Variants in PCDHGB5 observed in about 807,000 individuals in gnomAD.
The protein encoded by PCDHGB5 is protocadherin gamma subfamily B, 5, also known as protocadherin gamma-B5.
A neutral mutation model predicts 62.9 loss-of-function variants in PCDHGB5; 48 were observed. That is an observed-to-expected ratio of 0.76 (90% CI 0.61 to 0.97). The LOEUF (loss-of-function observed/expected upper bound fraction) is 0.97, where lower values mean the gene tolerates loss of function less well. PCDHGB5 is among the 50% of genes least tolerant of loss of function. PCDHGB5 has a pLI of 0.00. For synonymous variants in PCDHGB5, 474 were observed against 511.2 expected (o/e 0.93, Z 0.98); for missense variants, 1,118 against 1,198.6 (o/e 0.93, Z 0.99).
Position 141,490,083 on chromosome 5 carries a change from T to G in PCDHGB5, c.2398-4724T>G. Reference sequence around the variant, plus strand: ...CCAACGGCCAACTAGACTATTCTTTTGGAGACCACACATCTGAGGCAGTGC... The same window carrying G: ...CCAACGGCCAACTAGACTATTCTTTGGGAGACCACACATCTGAGGCAGTGC... On this transcript the variant is annotated intron_variant, in intron 1 of 3. Coordinates refer to ENST00000617380, the MANE Select transcript of PCDHGB5 (RefSeq NM_018925.3). This position sits in a 1 kb window ranked among gnomAD's most constrained non-coding sequence, Gnocchi z 5.4. 1.2e-6 allele frequency: 2 copies of G among 1,614,262 alleles called. No individual in the cohort carries two copies. The highest frequency in any genetic ancestry group is 1.7e-6 in the Non-Finnish European group (2 of 1,180,054).
chr5:141,506,372 C>A (rs1243713695), intron 3 of PCDHGB5, among the ~76,000 whole-genome samples: 1 of 151,402 alleles, frequency 6.6e-6, no homozygotes, highest in Non-Finnish European at 1.5e-5. Context: ...TCGCTTGAAC[C>A]TGGGAGGTGG....
chr5:141,403,592 G>A (rs779516418), intron 1 of PCDHGB5: 1 of 1,613,850 alleles, frequency 6.2e-7, no homozygotes, highest in Non-Finnish European at 8.5e-7. Flanking sequence ...GGTCCTCACG[G>A]CCTCGGATGG....
Position 141,400,394 on chromosome 5 carries a change from G to A in PCDHGB5, c.2267G>A (p.Gly756Glu). 2 of 1,614,072 alleles carry A rather than the reference G, an allele frequency of 1.2e-6. No individual in the cohort carries two copies. The highest frequency in any genetic ancestry group is 1.7e-6 in the Non-Finnish European group (2 of 1,179,916). Residue 756 changes from glycine (G) to glutamate (E), a missense_variant, in exon 1 of 4, where the codon GGA becomes GAA. This residue lies in a region of PCDHGB5 where 1,034 missense variants were observed against 1,029.1 expected (regional missense o/e 1.00). Transcript: ENST00000617380. The part of the protein sequence containing the change: ...YSYNLCVAHT[G>E]KTEFNFLKCS... ...TACAACCTATGTGTTGCACATACAG[G>A]AAAGACGGAGTTTAATTTCCTAAAA...
chr5:141,430,534 C>CT (rs962032641), intron 1 of PCDHGB5: 2 of 381,726 alleles, frequency 5.2e-6, no homozygotes, highest in Non-Finnish European at 9.2e-6. Context: ...GGTTAGGACT[C>CT]TGAGCGCCGC....
chr5:141,400,322 G>T lies in PCDHGB5; in HGVS notation c.2195G>T (p.Gly732Val), dbSNP rs1025265322. ...CFQPGLCVKSGPVVPPNYSQG... is the reference protein window; with the variant it reads ...CFQPGLCVKSVPVVPPNYSQG... The stretch of plus-strand genomic sequence containing the variant: ...CAACCTGGTCTCTGTGTCAAGTCTG[G>T]ACCTGTGGTTCCCCCCAACTACAGT... The change falls in exon 1 of 4, where the codon GGA becomes GTA. Residue 732 changes from glycine (G) to valine (V), a missense_variant. Transcript: ENST00000617380. 1.9e-6 allele frequency: 3 copies of T among 1,613,952 alleles called. No homozygotes were observed. In the African/African-American group the frequency reaches 4.0e-5, roughly 22 times the overall value.
chr5:141,430,033 C>T (rs556099456), intron 1 of PCDHGB5, among the ~76,000 whole-genome samples: 1 of 152,066 alleles, frequency 6.6e-6, no homozygotes, highest in Non-Finnish European at 1.5e-5. Context: ...AAGTGTGATT[C>T]TGATAATGTA....
At chr5:141,414,046 A>G (rs780040293) in intron 1 of PCDHGB5, 1 of 1,611,254 alleles carries the variant, frequency 6.2e-7, no homozygotes, top group Non-Finnish European at 8.5e-7. Context: ...ATTACCTGAC[A>G]CGCAATTGTT....
At chr5:141,473,369 G>T (rs888984972) in intron 1 of PCDHGB5, among the ~76,000 whole-genome samples, 1 of 152,200 alleles carries the variant, frequency 6.6e-6, no homozygotes, top group Non-Finnish European at 1.5e-5. Flanking sequence ...CACCAAAATA[G>T]CATGGTCCCT....
At chr5:141,444,659 C>G (rs2098443878) in intron 1 of PCDHGB5, among the ~76,000 whole-genome samples, 1 of 152,032 alleles carries the variant, frequency 6.6e-6, no homozygotes, top group African/African-American at 2.4e-5. Context: ...GAAGTTATTT[C>G]CCATTTTTTT....
rs934206266 is a variant in PCDHGB5, at chr5:141,483,131, G to A, written c.2398-11676G>A. Among the ~76,000 whole-genome samples, 14 of 152,274 alleles carry A rather than the reference G, an allele frequency of 9.2e-5. No individual in the cohort carries two copies. The South Asian group carries it at 2.9e-3, about 32-fold the overall frequency. On this transcript the variant is annotated intron_variant, in intron 1 of 3. Transcript: ENST00000617380. ...AACAGACAGTCTTTGTAGGAGATGA[G>A]GTGAAGCAAGTAGGCAGGAGTTAGA...
intron 1 of PCDHGB5, chr5:141,420,165 C>T: frequency 6.2e-7 from 1 of 1,614,022 alleles, no homozygotes; most frequent in South Asian, 1.1e-5. Flanking sequence ...AATTTTTTCA[C>T]ATCTGTTGAT....
intron 1 of PCDHGB5, chr5:141,418,428 A>G: frequency 6.2e-7 from 1 of 1,613,980 alleles, no homozygotes; most frequent in Non-Finnish European, 8.5e-7. Flanking sequence ...GATGGTGGCA[A>G]ATATCCAGAA....
intron 1 of PCDHGB5, chr5:141,429,276 T>C (rs748800169): frequency 6.6e-5 from 10 of 152,228 alleles, no homozygotes; most frequent in Non-Finnish European, 1.2e-4. Flanking sequence ...TTTTTTCCTG[T>C]GATGTTTCTT....
chr5:141,402,402 T>TTAAGATAC (rs1275769528), intron 1 of PCDHGB5, among the ~76,000 whole-genome samples: 2 of 152,012 alleles, frequency 1.3e-5, no homozygotes, highest in South Asian at 4.1e-4. Context: ...CAGAAAATTG[T>TTAAGATAC]TAAGATACAC....
rs117623972 is a variant in PCDHGB5 at position 141,503,322 on chromosome 5, C to T, written c.2457-2071C>T. On this transcript the variant is annotated intron_variant, in intron 2 of 3. Transcript: ENST00000617380. Reference sequence around the variant, plus strand: ...GCTCAAGAAAGAATTGTTGGAGGGGCGCGGTGGCTCACGCCTGTAATTCCA... The same window carrying T: ...GCTCAAGAAAGAATTGTTGGAGGGGTGCGGTGGCTCACGCCTGTAATTCCA... Among the ~76,000 whole-genome samples, 216 of 152,126 alleles carry T rather than the reference C, an allele frequency of 1.4e-3. 8 individuals carry two copies. In the East Asian group the frequency reaches 0.038, roughly 27 times the overall value.
chr5:141,430,933 G>C (rs2097327058), intron 1 of PCDHGB5: 1 of 1,607,608 alleles, frequency 6.2e-7, no homozygotes, highest in East Asian at 2.2e-5. Flanking sequence ...AGCCCCGGGA[G>C]CTCGCGGAGC....
intron 3 of PCDHGB5, among the ~76,000 whole-genome samples, chr5:141,508,792 CT>C (rs1475631459): frequency 6.6e-6 from 1 of 152,130 alleles, no homozygotes; most frequent in Non-Finnish European, 1.5e-5. Flanking sequence ...CTAAATCACT[CT>C]GGAATCCTGG....
intron 1 of PCDHGB5, among the ~76,000 whole-genome samples, chr5:141,401,573 G>A (rs372919699): frequency 4.6e-5 from 7 of 152,128 alleles, no homozygotes; most frequent in East Asian, 3.9e-4. Context: ...TCTCTTGCTC[G>A]GAATCCTGAC....
rs1182148013 is a variant in PCDHGB5 at position 141,431,510 on chromosome 5, G to A, written c.2397+30986G>A. 2 of 1,613,904 alleles carry A rather than the reference G, an allele frequency of 1.2e-6. No individual in the cohort carries two copies. Among genetic ancestry groups the A allele is most frequent in the Admixed American group, 1.7e-5 (1 of 60,016 alleles). Reference sequence around the variant, plus strand: ...TGCTCAGCCCGAGTACCGCGCGAGCGTTCCGGAGAATCTGGCCTTGGGCAC... The same window carrying A: ...TGCTCAGCCCGAGTACCGCGCGAGCATTCCGGAGAATCTGGCCTTGGGCAC... On this transcript the variant is annotated intron_variant, in intron 1 of 3. Coordinates refer to ENST00000617380, the MANE Select transcript of PCDHGB5 (RefSeq NM_018925.3). The surrounding 1 kb of genome is among the most constrained non-coding windows in gnomAD (Gnocchi z 4.8).
Sources: gnomAD v4.1 joint callset for allele counts (sites outside exome capture counted in the v4.1 genomes callset) on GRCh38, gnomAD v4.1.1 for gene constraint, gnomAD v4.1.1 regional missense constraint, Gnocchi (gnomAD v3.1) non-coding constraint, MANE v1.5 for transcripts, NCBI Gene and HGNC (gene_info 2026-07-23, HGNC 2026-07-21) for gene names.